The following DCAF8 variants were observed in gnomAD, a reference collection of about 807,000 sequenced individuals.
DCAF8 encodes DDB1 and CUL4 associated factor 8.
In DCAF8, 20 loss-of-function variants were observed where a neutral mutation model predicts 68.0. The observed-to-expected ratio is 0.29, with a 90% CI of 0.21 to 0.43. The LOEUF (loss-of-function observed/expected upper bound fraction) is 0.43, where lower values mean the gene tolerates loss of function less well. Among genes scored for constraint, DCAF8 ranks in the 20% least tolerant of loss-of-function variants. The pLI is 1.00. For missense variants in DCAF8, 460 were observed against 771.0 expected, an observed-to-expected ratio of 0.60 and a Z score of 4.78; for synonymous variants, 230 against 276.9, an observed-to-expected ratio of 0.83 and a Z score of 1.68.
chr1:160,236,040 ACAATGGTTTT>A (rs1655862257), intron 6 of DCAF8, among the ~76,000 whole-genome samples: 1 of 152,076 alleles, frequency 6.6e-6, no homozygotes, highest in South Asian at 2.1e-4. Flanking sequence ...TGCCCTGCCC[ACAATGGTTTT>A]CAACAGCTAA....
rs78277274 is a variant in DCAF8 at position 160,222,251 on chromosome 1, G to C, written c.1440+400C>G. Among the ~76,000 whole-genome samples the C allele has an allele frequency of 2.4e-4, 36 of 152,276 alleles. No individual in the cohort carries two copies. In the East Asian group the frequency reaches 6.5e-3, roughly 28 times the overall value. On this transcript the variant is annotated intron_variant, in intron 11 of 13. Transcript: ENST00000368074. ...TTATAGCTTTTATCTGCTAATCTAA[G>C]ATCCAGCCAAGATCACTACTTAGTT...
intron 11 of DCAF8, 59 bp downstream of exon 11, chr1:160,222,592 A>C: frequency 1.2e-6 from 2 of 1,601,236 alleles, no homozygotes; most frequent in Non-Finnish European, 1.7e-6. Context: ...TCCCTGCTAA[A>C]ACCTACCTTA....
chr1:160,230,694 G>A (rs746865442), intron 7 of DCAF8, among the ~76,000 whole-genome samples: 3 of 152,148 alleles, frequency 2.0e-5, no homozygotes, highest in African/African-American at 4.8e-5. Flanking sequence ...GTACTTGCTG[G>A]TAAACCTAAA....
At chr1:160,262,126 G>A (rs964425380) in intron 1 of DCAF8, 3 of 388,358 alleles carry the variant, frequency 7.7e-6, no homozygotes, top group South Asian at 2.9e-4. Context: ...CCTGAGGAAA[G>A]GGCAACCAGT....
At position 160,217,640 on chromosome 1, in the gene DCAF8, T is replaced by A; in HGVS notation, c.1746A>T (p.Thr582=). ...GGTCAGGGCCCTCCTCCTCGTCCGA[T>A]GTGTCTGAGGAGCTGGGAGACTCAT... ...DSDESPSSSD[T]SDEEEGPDRV... The change falls in exon 14 of 14, where the codon ACA becomes ACT. Residue 582 remains threonine (T), a synonymous_variant. Transcript: ENST00000368074. The A allele has an allele frequency of 6.2e-7, 1 of 1,614,138 alleles. No homozygotes were observed. Among genetic ancestry groups the A allele is most frequent in the African/African-American group, 1.3e-5 (1 of 75,054 alleles).
At chr1:160,242,228 G>C (rs1656144301) in intron 3 of DCAF8, among the ~76,000 whole-genome samples, 1 of 142,824 alleles carries the variant, frequency 7.0e-6, no homozygotes, top group East Asian at 2.0e-4. Flanking sequence ...TTGGTAACAA[G>C]AGCAAAACTC....
intron 3 of DCAF8, among the ~76,000 whole-genome samples, chr1:160,241,583 G>C (rs563067111): frequency 6.6e-6 from 1 of 152,164 alleles, no homozygotes; most frequent in Non-Finnish European, 1.5e-5. Context: ...AGAACTTGAG[G>C]AATGTTCTAA....
intron 7 of DCAF8, 99 bp from the exon 8 acceptor site, chr1:160,225,762 G>T: frequency 1.1e-6 from 1 of 891,706 alleles, no homozygotes. Context: ...GCTGGATGCA[G>T]ATAAACAACA....
At position 160,247,376 on chromosome 1, in the gene DCAF8, A is replaced by T. The variant is rs535108057; in HGVS notation, c.-26-3342T>A. Reference sequence around the variant, plus strand: ...TTGTCTTAATAAGAATAAAGCCTTAAATTTTTAACCAATTACATGACAAAA... The same window carrying T: ...TTGTCTTAATAAGAATAAAGCCTTATATTTTTAACCAATTACATGACAAAA... On this transcript the variant is annotated intron_variant, in intron 2 of 13. Coordinates refer to ENST00000368074, the MANE Select transcript of DCAF8 (RefSeq NM_015726.4). Among the ~76,000 whole-genome samples the T allele has an allele frequency of 5.3e-5, 8 of 152,342 alleles. No homozygotes were observed. In the South Asian group the frequency reaches 1.7e-3, roughly 32 times the overall value.
Position 160,248,832 on chromosome 1 carries a change from T to C in DCAF8, c.-26-4798A>G, listed in dbSNP as rs143618596. On this transcript the variant is annotated intron_variant, in intron 2 of 13. Transcript: ENST00000368074. ...TCACTTAAGTCTAGGAGTTCAAGGC[T>C]GCAGTGAGCTATGATCCTGCTACTC... 2.4e-4 allele frequency among the ~76,000 whole-genome samples: 37 copies of C among 151,780 alleles called. 1 individual carries two copies. The East Asian group carries it at 7.2e-3, about 29-fold the overall frequency.
chr1:160,224,959 T>A, intron 9 of DCAF8, 103 bp downstream of exon 9: 1 of 1,098,070 alleles, frequency 9.1e-7, no homozygotes, highest in East Asian at 2.4e-5. Context: ...TACTTGGAGC[T>A]ATAGCACAGT....
Position 160,239,937 on chromosome 1 carries a change from C to T in DCAF8, c.483G>A (p.Arg161=). ...CAAAGCGGGCACTTGAACCCAGCTC[C>T]CGCTCCCGAAGGGCAGGGAGGGCTT... is the stretch of plus-strand genomic sequence containing the variant. ...RWQALPALRE[R]ELGSSARFVY... is the part of the protein sequence containing the mutation. Residue 161 remains arginine, a synonymous_variant, in exon 4 of 14, where the codon CGG becomes CGA. Transcript: ENST00000368074. 6.2e-7 allele frequency: 1 copy of T among 1,614,234 alleles called. No homozygotes were observed. The highest frequency in any genetic ancestry group is 8.5e-7 in the Non-Finnish European group (1 of 1,180,044).
chr1:160,262,213 C>T (rs1657126960), intron 1 of DCAF8: 1 of 397,754 alleles, frequency 2.5e-6, no homozygotes, highest in Admixed American at 4.4e-5. Context: ...TCAGGCCCAT[C>T]CTTAGGGGAA....
intron 5 of DCAF8, 69 bp from the exon 6 acceptor site, chr1:160,237,298 A>C: frequency 8.9e-7 from 1 of 1,117,982 alleles, no homozygotes; most frequent in East Asian, 2.6e-5. Context: ...GTTCATTCCT[A>C]TAACTTTGGG....
chr1:160,217,288 T>A lies in DCAF8; in HGVS notation c.*304A>T. The stretch of plus-strand genomic sequence containing the variant: ...TTAAAGAAAAAGAAACCCCATTCCC[T>A]ATCCCAAACCAGTTAACAAAATAGG... On this transcript the variant is annotated 3_prime_UTR_variant, in exon 14 of 14. Coordinates refer to ENST00000368074, the MANE Select transcript of DCAF8 (RefSeq NM_015726.4). 13 of 202,354 alleles carry A rather than the reference T, an allele frequency of 6.4e-5. No homozygotes were observed. The highest frequency in any genetic ancestry group is 1.8e-3 in the Middle Eastern group (1 of 566). 12.5% of individuals were successfully genotyped at this position (202,354 alleles called of 1,614,324 possible). A position where few individuals can be genotyped will look rare whatever the true frequency, so the allele number is the denominator to read the frequency against.
At chr1:160,232,174 T>TA (rs1655714114) in intron 6 of DCAF8, among the ~76,000 whole-genome samples, 7 of 151,396 alleles carry the variant, frequency 4.6e-5, no homozygotes, top group Admixed American at 4.6e-4. Context: ...CATGCCACGG[T>TA]ACTCCAGCCT....
At chr1:160,243,264 T>C (rs1656187609) in intron 3 of DCAF8, among the ~76,000 whole-genome samples, 1 of 151,658 alleles carries the variant, frequency 6.6e-6, no homozygotes, top group Non-Finnish European at 1.5e-5. Context: ...TTGGCAGCAC[T>C]GGTCCTGAAA....
chr1:160,245,320 T>C (rs1656277759), intron 2 of DCAF8, among the ~76,000 whole-genome samples: 1 of 152,228 alleles, frequency 6.6e-6, no homozygotes, highest in Non-Finnish European at 1.5e-5. Flanking sequence ...TTTCAGTGAC[T>C]TGGACAAAAG....
chr1:160,222,410 TC>T (rs1557829100), intron 11 of DCAF8, among the ~76,000 whole-genome samples: 1 of 152,198 alleles, frequency 6.6e-6, no homozygotes, highest in Non-Finnish European at 1.5e-5. Flanking sequence ...GGACAGAGGT[TC>T]TTCCCTAAGA....
Sources: gnomAD v4.1 joint callset for allele counts (sites outside exome capture counted in the v4.1 genomes callset) on GRCh38, gnomAD v4.1.1 for gene constraint, MANE v1.5 for transcripts, NCBI Gene and HGNC (gene_info 2026-07-23, HGNC 2026-07-21) for gene names.